Variants in P2RY8 observed in about 807,000 individuals in gnomAD.
The protein encoded by P2RY8 is S-geranylgeranyl-glutathione receptor P2RY8.
Under a neutral mutation model 10.0 loss-of-function variants are expected in P2RY8, and 6 were observed. The observed-to-expected ratio is 0.60, with a 90% CI of 0.33 to 1.19. The LOEUF (loss-of-function observed/expected upper bound fraction) is 1.19, where lower values mean the gene tolerates loss of function less well. Ranked by LOEUF, P2RY8 falls within the 50% of genes most tolerant of loss-of-function variation. The probability of loss-of-function intolerance (pLI) is 0.04; values close to 1 mark genes in which losing one functional copy is unlikely to be tolerated. For synonymous variants in P2RY8, 276 were observed against 252.5 expected, an observed-to-expected ratio of 1.09 and a Z score of -0.88; for missense variants, 456 against 542.0, an observed-to-expected ratio of 0.84 and a Z score of 1.58.
At chrX:1,520,518 A>G (rs1467440468) in intron 1 of P2RY8, among the ~76,000 whole-genome samples, 2 of 150,838 alleles carry the variant, frequency 1.3e-5, no homozygotes, top group Admixed American at 6.6e-5. Flanking sequence ...CTGGTCCCCA[A>G]TCATCTCTCT....
At chrX:1,520,392 C>T (rs1239415131) in intron 1 of P2RY8, among the ~76,000 whole-genome samples, 1 of 151,454 alleles carries the variant, frequency 6.6e-6, no homozygotes, top group East Asian at 1.9e-4. Context: ...CAAGTATTCT[C>T]TCTGATCCCC....
chrX:1,498,098 C>A (rs2092134571), intron 1 of P2RY8, among the ~76,000 whole-genome samples: 1 of 152,008 alleles, frequency 6.6e-6, no homozygotes, highest in African/African-American at 2.4e-5. Flanking sequence ...TTAAACAGCA[C>A]CCACAGTGTC....
At chrX:1,481,688 C>T (rs2091937466) in intron 1 of P2RY8, among the ~76,000 whole-genome samples, 1 of 152,038 alleles carries the variant, frequency 6.6e-6, no homozygotes, top group Non-Finnish European at 1.5e-5. Flanking sequence ...CTCAAAGTTC[C>T]CCATCTTTGT....
chrX:1,494,566 T>C (rs1208109309), intron 1 of P2RY8, among the ~76,000 whole-genome samples: 1 of 152,184 alleles, frequency 6.6e-6, no homozygotes, highest in Admixed American at 6.5e-5. Flanking sequence ...CCTCCATGTA[T>C]GCGGGACCAT....
chrX:1,519,011 A>G (rs2092371744), intron 1 of P2RY8, among the ~76,000 whole-genome samples: 1 of 150,238 alleles, frequency 6.7e-6, no homozygotes, highest in South Asian at 2.1e-4. Context: ...GTCCCCAATC[A>G]TCTCCTTGGT....
intron 1 of P2RY8, among the ~76,000 whole-genome samples, chrX:1,509,056 C>CATCTATCTATGT (rs1231340181): frequency 1.7e-5 from 2 of 119,200 alleles, no homozygotes; most frequent in African/African-American, 6.0e-5. Context: ...TCTATCTATG[C>CATCTATCTATGT]ATCTATCTAT....
intron 1 of P2RY8, among the ~76,000 whole-genome samples, chrX:1,514,043 G>A (rs1243996816): frequency 6.6e-6 from 1 of 152,140 alleles, no homozygotes; most frequent in Non-Finnish European, 1.5e-5. Flanking sequence ...TCTTTTGCAG[G>A]TACGCACCAT....
intron 1 of P2RY8, among the ~76,000 whole-genome samples, chrX:1,524,641 C>A (rs765967153): frequency 9.1e-5 from 4 of 44,026 alleles, no homozygotes; most frequent in East Asian, 9.7e-4. Flanking sequence ...ATCCATCCAT[C>A]CATACATCCA....
intron 1 of P2RY8, among the ~76,000 whole-genome samples, chrX:1,467,898 C>G (rs2091712942): frequency 6.6e-6 from 1 of 152,146 alleles, no homozygotes; most frequent in Admixed American, 6.5e-5. Flanking sequence ...AGGCTGGTCT[C>G]AAACTCCTGG....
chrX:1,512,389 A>T (rs1339111514), intron 1 of P2RY8, among the ~76,000 whole-genome samples: 1 of 151,840 alleles, frequency 6.6e-6, no homozygotes, highest in Non-Finnish European at 1.5e-5. Flanking sequence ...TCTACTAAAA[A>T]CACAAAAATT....
At chrX:1,483,033 T>C (rs2091953660) in intron 1 of P2RY8, among the ~76,000 whole-genome samples, 2 of 152,118 alleles carry the variant, frequency 1.3e-5, no homozygotes, top group South Asian at 4.1e-4. Context: ...ACATGGCACA[T>C]GTATACATAT....
At chrX:1,515,376 CT>C (rs751109443) in intron 1 of P2RY8, among the ~76,000 whole-genome samples, 16,724 of 140,844 alleles carry the variant, frequency 0.12, 989 homozygotes, top group Middle Eastern at 0.15. Flanking sequence ...TTCTTTCTTT[CT>C]TTTTTTTTTT....
At chrX:1,466,620 C>G in intron 1 of P2RY8, 38 bp from the exon 2 acceptor site, 1 of 1,533,430 alleles carries the variant, frequency 6.5e-7, no homozygotes, top group Non-Finnish European at 8.7e-7. Context: ...GGGTCAGGGG[C>G]GCAGGTAAAG....
intron 1 of P2RY8, among the ~76,000 whole-genome samples, chrX:1,492,399 C>T (rs1450750946): frequency 6.6e-6 from 1 of 152,094 alleles, no homozygotes; most frequent in Non-Finnish European, 1.5e-5. Flanking sequence ...TCTCTTTTCC[C>T]ATTTGATTCT....
intron 1 of P2RY8, among the ~76,000 whole-genome samples, chrX:1,514,100 A>C (rs2092320632): frequency 6.6e-6 from 1 of 152,116 alleles, no homozygotes; most frequent in African/African-American, 2.4e-5. Context: ...GTTTTCCTTT[A>C]ATTGTCCCAC....
In P2RY8 at chrX:1,501,560, T is replaced by C. The variant is rs543419315; in HGVS notation, c.-24-34978A>G. ...ATTTTTGTAGACATAGGGGTCTCAC[T>C]ATATTGCCCCGTCTTAGTTTTCATT... On this transcript the variant is annotated intron_variant, in intron 1 of 1. Transcript: ENST00000381297. Among the ~76,000 whole-genome samples the C allele has an allele frequency of 1.2e-4, 18 of 152,034 alleles. No homozygotes were observed. The South Asian group carries it at 2.7e-3, about 23-fold the overall frequency.
intron 1 of P2RY8, among the ~76,000 whole-genome samples, chrX:1,507,511 G>A (rs1236121127): frequency 3.3e-5 from 5 of 152,120 alleles, no homozygotes; most frequent in South Asian, 2.1e-4. Context: ...CCCGGTGACC[G>A]CCGACGGTGG....
intron 1 of P2RY8, among the ~76,000 whole-genome samples, chrX:1,480,876 C>CA (rs1370029992): frequency 5.3e-5 from 8 of 149,542 alleles, no homozygotes; most frequent in Non-Finnish European, 1.0e-4. Context: ...CAAAATGTGC[C>CA]AAAAAAAACT....
intron 1 of P2RY8, among the ~76,000 whole-genome samples, chrX:1,527,268 CTCAT>C (rs1262468928): frequency 2.0e-5 from 3 of 152,236 alleles, no homozygotes; most frequent in Admixed American, 2.0e-4. Context: ...CATTCATCTA[CTCAT>C]TCATTCATTC....
Sources: gnomAD v4.1 joint callset for allele counts (sites outside exome capture counted in the v4.1 genomes callset) on GRCh38, gnomAD v4.1.1 for gene constraint, MANE v1.5 for transcripts, NCBI Gene and HGNC (gene_info 2026-07-23, HGNC 2026-07-21) for gene names.